Variants in BACH2 observed in about 807,000 individuals in gnomAD.
BACH2 encodes BACH transcriptional regulator 2.
BACH2 carries 5 observed loss-of-function variants against 61.8 expected under a neutral mutation model. The ratio of observed to expected loss-of-function variants is 0.08; its 90% CI spans 0.04 to 0.17. The LOEUF (loss-of-function observed/expected upper bound fraction) is 0.17. Among genes scored for constraint, BACH2 ranks in the 10% least tolerant of loss-of-function variants. The pLI is 1.00. For synonymous variants in BACH2, 446 were observed against 440.1 expected (o/e 1.01, Z -0.17); for missense variants, 824 against 1,091.1 (o/e 0.76, Z 3.45).
chr6:90,273,619 A>G (rs1771597996), intron 1 of BACH2, among the ~76,000 whole-genome samples: 1 of 152,068 alleles, frequency 6.6e-6, no homozygotes, highest in Admixed American at 6.5e-5. Flanking sequence ...TGGCTCCTCT[A>G]TACAAATTCT....
At chr6:90,135,289 G>A (rs1205678832) in intron 4 of BACH2, among the ~76,000 whole-genome samples, 4 of 152,076 alleles carry the variant, frequency 2.6e-5, no homozygotes, top group Admixed American at 2.0e-4. Context: ...CCTACACCTT[G>A]CCATCTATCG....
At chr6:90,096,408 T>C (rs1308647309) in intron 4 of BACH2, among the ~76,000 whole-genome samples, 4 of 152,210 alleles carry the variant, frequency 2.6e-5, no homozygotes, top group Non-Finnish European at 5.9e-5. Flanking sequence ...GGCATTGCCC[T>C]GCTTGTTTCC....
intron 4 of BACH2, among the ~76,000 whole-genome samples, chr6:90,186,711 A>T (rs1768369118): frequency 6.6e-6 from 1 of 152,200 alleles, no homozygotes. Flanking sequence ...GCATTTACCA[A>T]GTGCTCTCAG....
At chr6:90,172,004 T>A (rs1448490076) in intron 4 of BACH2, among the ~76,000 whole-genome samples, 1 of 152,032 alleles carries the variant, frequency 6.6e-6, no homozygotes, top group African/African-American at 2.4e-5. Context: ...AAAAATATAA[T>A]CTTACGTTTA....
chr6:89,932,663 G>A lies in BACH2; in HGVS notation c.2271C>T (p.Ala757=). 6.2e-7 allele frequency: 1 copy of A among 1,614,210 alleles called. No homozygotes were observed. The highest frequency in any genetic ancestry group is 1.1e-5 in the South Asian group (1 of 91,088). ...CGTTTTCCCCCACTGCGCATTGGGA[G>A]GCCGCAATGTTCTGCTCAGCACCCA... The part of the protein sequence containing the change: ...APLGAEQNIA[A]SQCAVGENVP... Residue 757 remains alanine, a synonymous_variant, in exon 9 of 9, where the codon GCC becomes GCT. Transcript: ENST00000257749.
At chr6:89,969,122 T>C (rs1445174696) in intron 6 of BACH2, among the ~76,000 whole-genome samples, 2 of 149,988 alleles carry the variant, frequency 1.3e-5, no homozygotes, top group Non-Finnish European at 3.0e-5. Context: ...GGTGCGATCT[T>C]GGCTCACCGC....
chr6:90,063,695 G>A (rs564726771), intron 5 of BACH2, among the ~76,000 whole-genome samples: 131 of 152,134 alleles, frequency 8.6e-4, no homozygotes, highest in Admixed American at 2.9e-3. Context: ...TTTTTCCTCT[G>A]TAAAATGGGA....
chr6:89,976,778 G>C (rs1230751565), intron 6 of BACH2, among the ~76,000 whole-genome samples: 1 of 152,102 alleles, frequency 6.6e-6, no homozygotes, highest in East Asian at 1.9e-4. Flanking sequence ...CATGGTACTA[G>C]CCCAAAGGCA....
chr6:90,185,000 T>G (rs909500081), intron 4 of BACH2, among the ~76,000 whole-genome samples: 2 of 152,244 alleles, frequency 1.3e-5, no homozygotes, highest in Non-Finnish European at 2.9e-5. Context: ...TAAGAGTACC[T>G]GTTTAGCTAC....
At chr6:90,002,509 G>A (rs1020399415) in intron 6 of BACH2, among the ~76,000 whole-genome samples, 2 of 152,132 alleles carry the variant, frequency 1.3e-5, no homozygotes, top group African/African-American at 2.4e-5. Flanking sequence ...GGTGGCTCAC[G>A]CCTTAATCCC....
intron 4 of BACH2, among the ~76,000 whole-genome samples, chr6:90,203,179 G>A (rs1174341442): frequency 6.6e-6 from 1 of 152,034 alleles, no homozygotes; most frequent in South Asian, 2.1e-4. Flanking sequence ...GGGAGGTTGA[G>A]ATGGGAGGAT....
At chr6:90,146,791 T>G (rs1399623911) in intron 4 of BACH2, among the ~76,000 whole-genome samples, 1 of 152,238 alleles carries the variant, frequency 6.6e-6, no homozygotes, top group Non-Finnish European at 1.5e-5. Flanking sequence ...AATTAACAAT[T>G]GTCCTGTAAG....
At chr6:90,197,101 T>C (rs1348587393) in intron 4 of BACH2, among the ~76,000 whole-genome samples, 1 of 152,202 alleles carries the variant, frequency 6.6e-6, no homozygotes, top group Admixed American at 6.5e-5. Context: ...ATGATGTACA[T>C]ATATTCAAAA....
intron 3 of BACH2, among the ~76,000 whole-genome samples, chr6:90,219,969 T>C (rs1432847636): frequency 1.3e-5 from 2 of 152,110 alleles, no homozygotes; most frequent in African/African-American, 4.8e-5. Flanking sequence ...CTGAGTTTTT[T>C]TTTTTCCGCC....
At position 90,008,886 on chromosome 6, in the gene BACH2, A is replaced by T; in HGVS notation, c.-12-30T>A. 6.2e-7 allele frequency: 1 copy of T among 1,607,424 alleles called. No individual in the cohort carries two copies. Among genetic ancestry groups the T allele is most frequent in the South Asian group, 1.1e-5 (1 of 90,668 alleles). On this transcript the variant is annotated intron_variant, in intron 5 of 8. Coordinates refer to ENST00000257749, the MANE Select transcript of BACH2 (RefSeq NM_021813.4). This position sits in a 1 kb window ranked among gnomAD's most constrained non-coding sequence, Gnocchi z 4.1. The stretch of plus-strand genomic sequence containing the variant: ...AAGAAAGAAAGAAACAAAGAAAGAA[A>T]GAAAGAAAGGCTGAGTCACCACAGC...
intron 5 of BACH2, among the ~76,000 whole-genome samples, chr6:90,059,399 G>C (rs938558291): frequency 6.6e-6 from 1 of 152,168 alleles, no homozygotes; most frequent in Non-Finnish European, 1.5e-5. Flanking sequence ...GGCCATCAGA[G>C]GAATACAAAT....
intron 1 of BACH2, among the ~76,000 whole-genome samples, chr6:90,279,744 T>C (rs910656698): frequency 6.6e-6 from 1 of 152,190 alleles, no homozygotes; most frequent in African/African-American, 2.4e-5. Flanking sequence ...ATTTTTACTA[T>C]ACAGTAAAGC....
At chr6:90,259,878 C>T (rs914332404) in intron 2 of BACH2, among the ~76,000 whole-genome samples, 1 of 151,966 alleles carries the variant, frequency 6.6e-6, no homozygotes. Context: ...AGGGACTTAT[C>T]ATCCTTTTTA....
chr6:90,191,603 T>A (rs1454408386), intron 4 of BACH2, among the ~76,000 whole-genome samples: 1 of 152,194 alleles, frequency 6.6e-6, no homozygotes, highest in Admixed American at 6.5e-5. Context: ...AATTCAAATA[T>A]TGGATCTGCT....
Sources: gnomAD v4.1 joint callset for allele counts (sites outside exome capture counted in the v4.1 genomes callset) on GRCh38, gnomAD v4.1.1 for gene constraint, Gnocchi (gnomAD v3.1) non-coding constraint, MANE v1.5 for transcripts, NCBI Gene and HGNC (gene_info 2026-07-23, HGNC 2026-07-21) for gene names.